Variants in RTKN2 observed in about 807,000 individuals in gnomAD.
RTKN2 encodes the protein rhotekin 2, also known as rhotekin-2.
A neutral mutation model predicts 71.5 loss-of-function variants in RTKN2; 69 were observed. The ratio of observed to expected loss-of-function variants is 0.96; its 90% confidence interval spans 0.79 to 1.18. The LOEUF (loss-of-function observed/expected upper bound fraction) is 1.18. Ranked by LOEUF, RTKN2 falls within the 50% of genes most tolerant of loss-of-function variation. RTKN2 has a pLI of 0.00. For missense variants in RTKN2, 724 were observed against 719.7 expected (o/e 1.01, Z -0.07); for synonymous variants, 236 against 236.5 (o/e 1.00, Z 0.02).
Position 62,217,184 on chromosome 10 carries a change from A to G in RTKN2, c.954T>C (p.Tyr318=). The G allele has an allele frequency of 5.6e-6, 9 of 1,607,076 alleles. No homozygotes were observed. The highest frequency in any genetic ancestry group is 1.1e-5 in the South Asian group (1 of 89,688). Residue 318 remains tyrosine (Y), a synonymous_variant, in exon 9 of 12, where the codon TAT becomes TAC. Coordinates refer to ENST00000373789, the MANE Select transcript of RTKN2 (RefSeq NM_145307.4). ...LYCVLRGGKL[Y]CFYSPEEIEA... is the part of the protein sequence containing the mutation. ...CAATTTCCTCTGGACTGTAAAAACAATAGAGTTTACCTCCTCGCAAAACAC... is the reference window on the plus strand; with the variant it reads ...CAATTTCCTCTGGACTGTAAAAACAGTAGAGTTTACCTCCTCGCAAAACAC...
At chr10:62,222,763 A>G (rs1841937178) in intron 7 of RTKN2, among the ~76,000 whole-genome samples, 1 of 152,192 alleles carries the variant, frequency 6.6e-6, no homozygotes, top group Admixed American at 6.5e-5. Context: ...AGTTTCCTGT[A>G]TCTTTATTTT....
intron 5 of RTKN2, among the ~76,000 whole-genome samples, chr10:62,237,480 C>A (rs956866401): frequency 6.6e-6 from 1 of 151,808 alleles, no homozygotes; most frequent in Admixed American, 6.6e-5. Context: ...TCAATTTAAC[C>A]AATATATACA....
At chr10:62,192,479 C>G (rs1841238344), downstream of RTKN2, among the ~76,000 whole-genome samples, 3 of 152,162 alleles carry the variant, frequency 2.0e-5, no homozygotes, top group Admixed American at 6.5e-5. Context: ...TGAGATATCA[C>G]ACCCATCATT....
At chr10:62,215,748 A>G (rs1308626537) in intron 9 of RTKN2, among the ~76,000 whole-genome samples, 1 of 151,782 alleles carries the variant, frequency 6.6e-6, no homozygotes, top group Non-Finnish European at 1.5e-5. Context: ...AATGGTATAC[A>G]GGTGTTCATT....
Position 62,195,852 on chromosome 10 carries a change from C to T in RTKN2, c.*2056G>A, listed in dbSNP as rs887903768. Reference sequence around the variant, plus strand: ...TCCTTGCTCAGGCTTTTAAATGGTTCTAGGTAAAAAGGGCTTCAGTCCTGT... The same window carrying T: ...TCCTTGCTCAGGCTTTTAAATGGTTTTAGGTAAAAAGGGCTTCAGTCCTGT... On this transcript the variant is annotated 3_prime_UTR_variant, in exon 12 of 12. Coordinates refer to ENST00000373789, the MANE Select transcript of RTKN2 (RefSeq NM_145307.4). 1 of 985,142 alleles carries T rather than the reference C, an allele frequency of 1.0e-6. No individual in the cohort carries two copies. The highest frequency in any genetic ancestry group is 1.2e-6 in the Non-Finnish European group (1 of 829,942). The allele number at this position is 985,142 out of a possible 1,614,324, so 61.0% of individuals were successfully genotyped here. A position where few individuals can be genotyped will look rare whatever the true frequency, so the allele number is the denominator to read the frequency against.
intron 3 of RTKN2, among the ~76,000 whole-genome samples, chr10:62,243,966 T>C (rs984952399): frequency 5.3e-5 from 8 of 152,174 alleles, no homozygotes; most frequent in Admixed American, 1.3e-4. Flanking sequence ...TTACGGTAAA[T>C]ACTACATTTA....
intron 2 of RTKN2, among the ~76,000 whole-genome samples, chr10:62,249,855 T>C (rs937877230): frequency 5.3e-5 from 8 of 152,270 alleles, no homozygotes; most frequent in South Asian, 2.1e-4. Flanking sequence ...AGTATTTAGG[T>C]TGGGGCTCAC....
At chr10:62,256,057 C>T (rs559824281) in intron 2 of RTKN2, among the ~76,000 whole-genome samples, 33 of 149,150 alleles carry the variant, frequency 2.2e-4, no homozygotes, top group African/African-American at 7.7e-4. Flanking sequence ...CTTACTCTGA[C>T]GCCCAGGCTG....
At chr10:62,230,197 GTC>G in intron 6 of RTKN2, among the ~76,000 whole-genome samples, 2 of 152,126 alleles carry the variant, frequency 1.3e-5, no homozygotes, top group East Asian at 3.9e-4. Context: ...TTGAGACGGA[GTC>G]TCTCTCTTGT....
chr10:62,240,090 G>A (rs546033527), intron 4 of RTKN2, among the ~76,000 whole-genome samples: 8 of 151,894 alleles, frequency 5.3e-5, no homozygotes, highest in Admixed American at 1.3e-4. Context: ...ACACACATGC[G>A]CGGGCATGCA....
In RTKN2 at chr10:62,197,404, G is replaced by A. The variant is rs913374944; in HGVS notation, c.*504C>T. 2.0e-6 allele frequency: 2 copies of A among 986,108 alleles called. No individual in the cohort carries two copies. Among genetic ancestry groups the A allele is most frequent in the Non-Finnish European group, 2.4e-6 (2 of 830,268 alleles). The allele number at this position is 986,108 out of a possible 1,614,324, so 61.1% of individuals were successfully genotyped here. A position where few individuals can be genotyped will look rare whatever the true frequency, so the allele number is the denominator to read the frequency against. ...CTATAAACTAGTGAGTTAAACAATAGATGAGAGCCAGTGAACCATTAGATG... is the reference window on the plus strand; with the variant it reads ...CTATAAACTAGTGAGTTAAACAATAAATGAGAGCCAGTGAACCATTAGATG... On this transcript the variant is annotated 3_prime_UTR_variant, in exon 12 of 12. Coordinates refer to ENST00000373789, the MANE Select transcript of RTKN2 (RefSeq NM_145307.4).
At chr10:62,191,027 T>C (rs572569731), downstream of RTKN2, among the ~76,000 whole-genome samples, 7 of 152,346 alleles carry the variant, frequency 4.6e-5, no homozygotes, top group East Asian at 3.9e-4. Context: ...CAGGAACCCA[T>C]TGGATGAATT....
intron 5 of RTKN2, among the ~76,000 whole-genome samples, chr10:62,237,001 A>G (rs1842272663): frequency 6.6e-6 from 1 of 151,944 alleles, no homozygotes; most frequent in East Asian, 1.9e-4. Flanking sequence ...ATATAGGTCA[A>G]AGGACACAAA....
intron 5 of RTKN2, chr10:62,239,342 A>T: frequency 5.1e-6 from 1 of 195,356 alleles, no homozygotes; most frequent in Non-Finnish European, 1.0e-5. Context: ...ATTCTGTTGT[A>T]TGCATAGCTT....
At chr10:62,188,078 G>C (rs1841164488) in intron 8 of RTKN2, among the ~76,000 whole-genome samples, 1 of 152,164 alleles carries the variant, frequency 6.6e-6, no homozygotes, top group Non-Finnish European at 1.5e-5. Flanking sequence ...AATTACAATG[G>C]AAACAACCCC....
At chr10:62,207,133 T>C (rs1343283426) in intron 9 of RTKN2, among the ~76,000 whole-genome samples, 1 of 152,096 alleles carries the variant, frequency 6.6e-6, no homozygotes, top group African/African-American at 2.4e-5. Context: ...GTGGATTCAA[T>C]CTTTAAATAA....
rs534411379 is a variant in RTKN2, at chr10:62,203,866, G to A, written c.1186+991C>T. 2.0e-5 allele frequency among the ~76,000 whole-genome samples: 3 copies of A among 152,252 alleles called. No individual in the cohort carries two copies. The East Asian group carries it at 5.8e-4, about 29-fold the overall frequency. On this transcript the variant is annotated intron_variant, in intron 10 of 11. Transcript: ENST00000373789. ...AAGGGAAATAATTTCTACCTCGCAG[G>A]AGTGTTATGAGAAATAAATGAAATA...
rs6143947 is a variant in RTKN2 at position 62,218,996 on chromosome 10, C to CAAAACA, written c.782-701_782-696dup. Among the ~76,000 whole-genome samples the CAAAACA allele has an allele frequency of 1.9e-3, 291 of 151,540 alleles. 2 individuals carry two copies. The highest frequency in any genetic ancestry group is 3.1e-3 in the Non-Finnish European group (208 of 67,788). Reference sequence around the variant, plus strand: ...GCAAGACTCCATCTCAAAAACAAAGCAAAACAAAAACAAAAAACATTATTT... The same window carrying CAAAACA: ...GCAAGACTCCATCTCAAAAACAAAGCAAAACAAAAACAAAAACAAAAAACATTATTT... On this transcript the variant is annotated intron_variant, in intron 7 of 11. Transcript: ENST00000373789.
intron 8 of RTKN2, among the ~76,000 whole-genome samples, chr10:62,185,365 C>A (rs1305701913): frequency 6.6e-6 from 1 of 152,056 alleles, no homozygotes; most frequent in African/African-American, 2.4e-5. Flanking sequence ...GGCCTGTAAT[C>A]CCAGTGCTTT....
Sources: allele counts gnomAD v4.1 joint callset (sites outside exome capture counted in the v4.1 genomes callset), GRCh38; gene constraint gnomAD v4.1.1; transcripts MANE v1.5; gene names NCBI Gene and HGNC (gene_info 2026-07-23, HGNC 2026-07-21).